Variants in SGCZ observed in about 807,000 individuals in gnomAD.
SGCZ encodes sarcoglycan zeta.
Under a neutral mutation model 41.3 loss-of-function variants are expected in SGCZ, and 40 were observed. The ratio of observed to expected loss-of-function variants is 0.97; its 90% CI spans 0.75 to 1.26. The LOEUF (loss-of-function observed/expected upper bound fraction) is 1.26, where lower values mean the gene tolerates loss of function less well. SGCZ is among the 50% of genes most tolerant of loss of function. The pLI is 0.00. For missense variants in SGCZ, 552 were observed against 369.8 expected (o/e 1.49, Z -4.04); for synonymous variants, 206 against 137.5 (o/e 1.50, Z -3.49).
Position 14,975,815 on chromosome 8 carries a change from G to A in SGCZ, c.39+261770C>T, listed in dbSNP as rs201400411. Among the ~76,000 whole-genome samples the A allele has an allele frequency of 2.7e-3, 368 of 138,630 alleles. 3 individuals carry two copies. Among genetic ancestry groups the A allele is most frequent in the African/African-American group, 7.4e-3 (282 of 38,220 alleles). 90.9% of individuals were successfully genotyped at this position (138,630 alleles called of 152,430 possible). On this transcript the variant is annotated intron_variant, in intron 1 of 7. Transcript: ENST00000382080. ...TATATATATATATATATATATGTGT[G>A]TGTGTGTGTAGAAATAGTTATGAAC...
At chr8:15,169,324 G>C (rs1585634942) in intron 1 of SGCZ, among the ~76,000 whole-genome samples, 1 of 152,158 alleles carries the variant, frequency 6.6e-6, no homozygotes, top group East Asian at 1.9e-4. Context: ...CACTGAGGTG[G>C]GGACTTGGAA....
chr8:14,169,254 C>T (rs1034193332), intron 4 of SGCZ, among the ~76,000 whole-genome samples: 1 of 152,126 alleles, frequency 6.6e-6, no homozygotes, highest in Admixed American at 6.5e-5. Flanking sequence ...TGTATGTTGA[C>T]TCTTCCTTCC....
chr8:15,199,947 T>C (rs1800842312), intron 1 of SGCZ, among the ~76,000 whole-genome samples: 1 of 152,158 alleles, frequency 6.6e-6, no homozygotes, highest in Admixed American at 6.5e-5. Context: ...CAACAATAAA[T>C]AGTAGGATTC....
chr8:14,781,095 G>A (rs1286048680), intron 1 of SGCZ, among the ~76,000 whole-genome samples: 1 of 152,146 alleles, frequency 6.6e-6, no homozygotes, highest in Non-Finnish European at 1.5e-5. Flanking sequence ...TCAGCATTCT[G>A]ACTCAGTATT....
chr8:14,184,479 T>C (rs1367661855), intron 4 of SGCZ, among the ~76,000 whole-genome samples: 1 of 152,150 alleles, frequency 6.6e-6, no homozygotes, highest in African/African-American at 2.4e-5. Context: ...GGCTAAATGA[T>C]AAATGTATTG....
intron 1 of SGCZ, among the ~76,000 whole-genome samples, chr8:14,754,521 A>G (rs1382148783): frequency 6.6e-6 from 1 of 152,222 alleles, no homozygotes; most frequent in Admixed American, 6.5e-5. Flanking sequence ...CATGAAAGCA[A>G]CTTTCATTTA....
At chr8:14,264,780 T>C (rs1408466546) in intron 3 of SGCZ, among the ~76,000 whole-genome samples, 3 of 151,958 alleles carry the variant, frequency 2.0e-5, no homozygotes, top group African/African-American at 4.8e-5. Flanking sequence ...GCTAACACGG[T>C]GAAACCCCGT....
At chr8:15,060,662 T>G (rs943215108) in intron 1 of SGCZ, among the ~76,000 whole-genome samples, 2 of 92,940 alleles carry the variant, frequency 2.2e-5, no homozygotes, top group Non-Finnish European at 4.4e-5. Flanking sequence ...CCCGAAAACT[T>G]AAAGTATTAA....
chr8:14,536,841 A>C (rs1342665209), intron 2 of SGCZ, among the ~76,000 whole-genome samples: 5 of 152,096 alleles, frequency 3.3e-5, no homozygotes, highest in South Asian at 4.1e-4. Context: ...GAAAATAGCA[A>C]CTATTATTTT....
rs1160292841 is a variant in SGCZ, at chr8:15,237,887, T to C, written c.-264A>G. 9.8e-6 allele frequency: 4 copies of C among 407,432 alleles called. No homozygotes were observed. The highest frequency in any genetic ancestry group is 8.1e-5 in the African/African-American group (4 of 49,236). 25.2% of individuals were successfully genotyped at this position (407,432 alleles called of 1,614,324 possible). A position where few individuals can be genotyped will look rare whatever the true frequency, so the allele number is the denominator to read the frequency against. On this transcript the variant is annotated 5_prime_UTR_variant, in exon 1 of 8. Transcript: ENST00000382080. ...CCGCGGTGCAACACAGCTGAGTCGA[T>C]TGAAACAGGGGCCAAAAGAAAAAAG... is the stretch of plus-strand genomic sequence containing the variant.
intron 4 of SGCZ, among the ~76,000 whole-genome samples, chr8:14,226,476 C>T (rs929462420): frequency 5.9e-5 from 9 of 152,010 alleles, no homozygotes; most frequent in African/African-American, 1.9e-4. Context: ...CATATAAATG[C>T]CATCATACAG....
intron 2 of SGCZ, among the ~76,000 whole-genome samples, chr8:14,465,216 T>G (rs1801015463): frequency 6.6e-6 from 1 of 151,666 alleles, no homozygotes; most frequent in Admixed American, 6.6e-5. Context: ...TTCAGTCCTG[T>G]CAACTTTTGC....
Position 14,551,527 on chromosome 8 carries a change from A to ATT in SGCZ, c.234+3204_234+3205insAA, listed in dbSNP as rs1288669041. Among the ~76,000 whole-genome samples, 17 of 3,664 alleles carry ATT rather than the reference A, an allele frequency of 4.6e-3. 1 individual carries two copies. The highest frequency in any genetic ancestry group is 6.8e-3 in the Non-Finnish European group (13 of 1,898). 2.4% of individuals were successfully genotyped at this position (3,664 alleles called of 152,430 possible). On this transcript the variant is annotated intron_variant, in intron 2 of 7. Transcript: ENST00000382080. Reference sequence around the variant, plus strand: ...ATATATTATATATATTATATATAATATATATAATATATATAATATATATAA... The same window carrying ATT: ...ATATATTATATATATTATATATAATATTTATATAATATATATAATATATATAA...
chr8:14,386,892 G>C (rs1256685397), intron 2 of SGCZ, among the ~76,000 whole-genome samples: 1 of 152,086 alleles, frequency 6.6e-6, no homozygotes, highest in East Asian at 1.9e-4. Context: ...AGCATATTTT[G>C]ATGAATCTTG....
intron 5 of SGCZ, among the ~76,000 whole-genome samples, chr8:14,141,914 C>A (rs1019657643): frequency 5.9e-5 from 9 of 152,108 alleles, no homozygotes; most frequent in African/African-American, 2.2e-4. Flanking sequence ...TTGGAACCAA[C>A]CAAAATGTCC....
chr8:14,767,808 A>G (rs1156512758), intron 1 of SGCZ, among the ~76,000 whole-genome samples: 2 of 152,204 alleles, frequency 1.3e-5, no homozygotes, highest in Non-Finnish European at 2.9e-5. Flanking sequence ...GAAAACCACT[A>G]AAGACTTCTT....
intron 3 of SGCZ, among the ~76,000 whole-genome samples, chr8:14,291,693 G>A (rs1386952446): frequency 6.7e-6 from 1 of 148,168 alleles, no homozygotes. Context: ...ATATATATAT[G>A]TATTCTTTTA....
At chr8:14,975,897 T>C (rs945165824) in intron 1 of SGCZ, among the ~76,000 whole-genome samples, 25 of 142,348 alleles carry the variant, frequency 1.8e-4, no homozygotes, top group South Asian at 4.3e-4. Flanking sequence ...CACACACACA[T>C]ATATATACAC....
chr8:14,212,723 C>T (rs893846813), intron 4 of SGCZ, among the ~76,000 whole-genome samples: 1 of 152,050 alleles, frequency 6.6e-6, no homozygotes, highest in African/African-American at 2.4e-5. Flanking sequence ...AAAAGACAAA[C>T]AACTGAAGCC....
Sources: gnomAD v4.1 joint callset for allele counts (sites outside exome capture counted in the v4.1 genomes callset) on GRCh38, gnomAD v4.1.1 for gene constraint, MANE v1.5 for transcripts, NCBI Gene and HGNC (gene_info 2026-07-23, HGNC 2026-07-21) for gene names.